The following ECEL1 variants were observed in gnomAD, a reference collection of about 807,000 sequenced individuals.
ECEL1 encodes the protein endothelin converting enzyme like 1, also known as endothelin-converting enzyme-like 1.
Under a neutral mutation model 101.8 loss-of-function variants are expected in ECEL1, and 87 were observed. The observed-to-expected ratio is 0.85, with a 90% CI of 0.72 to 1.02. The LOEUF (loss-of-function observed/expected upper bound fraction) is 1.02, where lower values mean the gene tolerates loss of function less well. ECEL1 is among the 50% of genes least tolerant of loss of function. ECEL1 has a pLI of 0.00. For synonymous variants in ECEL1, 487 were observed against 468.7 expected (o/e 1.04, Z -0.50); for missense variants, 1,032 against 1,079.2 (o/e 0.96, Z 0.61).
rs1399932049 is a variant in ECEL1 at position 232,480,142 on chromosome 2, G to A, written c.*11C>T. ...CGGGGGCAGTGGGGGCGTGCAGGCG[G>A]GCAGCCAGGCTCACCACACGGAACA... On this transcript the variant is annotated 3_prime_UTR_variant, in exon 18 of 18. Transcript: ENST00000304546. 1 of 1,613,322 alleles carries A rather than the reference G, an allele frequency of 6.2e-7. No individual in the cohort carries two copies.
In ECEL1 at chr2:232,485,855, G is replaced by A; in HGVS notation, c.786+13C>T. 1.3e-6 allele frequency: 2 copies of A among 1,544,868 alleles called. No homozygotes were observed. Among genetic ancestry groups the A allele is most frequent in the Non-Finnish European group, 1.7e-6 (2 of 1,149,584 alleles). ...CCGCGGCCGCTGGCAGGGCGCTCAG[G>A]GGGCGCACTCACGCGGATGACGTAG... is the stretch of plus-strand genomic sequence containing the variant. On this transcript the variant is annotated intron_variant, in intron 2 of 17. Transcript: ENST00000304546.
rs199680876 is a variant in ECEL1, at chr2:232,482,380, C to G, written c.1796+38G>C. 2.7e-5 allele frequency: 44 copies of G among 1,613,204 alleles called. No individual in the cohort carries two copies. In the African/African-American group the frequency reaches 5.2e-4, roughly 19 times the overall value. On this transcript the variant is annotated intron_variant, in intron 12 of 17. Coordinates refer to ENST00000304546, the MANE Select transcript of ECEL1 (RefSeq NM_004826.4). ...GTAGACAAGGTCTGCAATGCCAGCC[C>G]TGCCCTCAGCCACAAACAGGGCAAG... is the stretch of plus-strand genomic sequence containing the variant.
At position 232,481,175 on chromosome 2, in the gene ECEL1, G is replaced by A; in HGVS notation, c.1990-19C>T. ...CGTTCACCTGCCGGGAAGGGAAGAG[G>A]CCAGGGGGCTGCTTGGGGCCCAGCT... On this transcript the variant is annotated intron_variant, in intron 14 of 17. Coordinates refer to ENST00000304546, the MANE Select transcript of ECEL1 (RefSeq NM_004826.4). The A allele has an allele frequency of 6.4e-7, 1 of 1,557,240 alleles. No individual in the cohort carries two copies.
At chr2:232,481,981 T>C in intron 12 of ECEL1, 132 bp from the exon 13 acceptor site, 1 of 1,160,682 alleles carries the variant, frequency 8.6e-7, no homozygotes, top group Non-Finnish European at 1.2e-6. Context: ...ATCCGTGCGG[T>C]CCAGGGGCAC....
Position 232,484,807 on chromosome 2 carries a change from G to C in ECEL1, c.1053C>G (p.Thr351=), listed in dbSNP as rs138012155. ...AGGACTGGGCCACACTCACGTGGGG[G>C]GTGATCTTCTGCAGCTGCCCCAGCG... is the stretch of plus-strand genomic sequence containing the variant. The part of the protein sequence containing the change: ...KVTLGQLQKI[T]PHLRWKWLLD... Residue 351 remains threonine, a synonymous_variant, in exon 5 of 18, where the codon ACC becomes ACG. Transcript: ENST00000304546. 6.2e-7 allele frequency: 1 copy of C among 1,613,874 alleles called. No homozygotes were observed. Among genetic ancestry groups the C allele is most frequent in the Non-Finnish European group, 8.5e-7 (1 of 1,180,004 alleles).
At chr2:232,483,954 A>C in intron 7 of ECEL1, 47 bp downstream of exon 7, 1 of 1,544,286 alleles carries the variant, frequency 6.5e-7, no homozygotes, top group Non-Finnish European at 8.8e-7. Flanking sequence ...GGAGGGCTCC[A>C]CCCTCAGTTC....
At position 232,482,624 on chromosome 2, in the gene ECEL1, G is replaced by A. The variant is rs1482996069; in HGVS notation, c.1686-16C>T. 9 of 1,602,804 alleles carry A rather than the reference G, an allele frequency of 5.6e-6. No homozygotes were observed. Among genetic ancestry groups the A allele is most frequent in the Non-Finnish European group, 7.7e-6 (9 of 1,173,270 alleles). ...GAGCAGCCACCTGTGGAGGGATGCT[G>A]GGGTGAATGGGGGGAACACACTCCC... On this transcript the variant is annotated splice_polypyrimidine_tract_variant and intron_variant, in intron 10 of 17. Transcript: ENST00000304546.
At chr2:232,481,671 G>GCCCCTCC in intron 13 of ECEL1, 41 bp from the exon 14 acceptor site, 2 of 1,602,208 alleles carry the variant, frequency 1.2e-6, no homozygotes, top group Non-Finnish European at 1.7e-6. Flanking sequence ...CCTCACCTGA[G>GCCCCTCC]CCCCCTCCCC....
In ECEL1 at chr2:232,486,068, G is replaced by A. The variant is rs1241135773; in HGVS notation, c.586C>T (p.Leu196=). The A allele has an allele frequency of 6.2e-7, 1 of 1,605,472 alleles. No individual in the cohort carries two copies. The highest frequency in any genetic ancestry group is 1.1e-5 in the South Asian group (1 of 90,062). The change falls in exon 2 of 18, where the codon CTG becomes TTG. Residue 196 remains leucine, a synonymous_variant. Transcript: ENST00000304546. ...SCLDMREIER[L]GPRPMLEVIE... ...ACCTCTAGCATGGGTCGCGGGCCCA[G>A]TCGCTCGATCTCGCGCATGTCGAGG...
At chr2:232,481,758 C>T in intron 13 of ECEL1, 24 bp downstream of exon 13, 5 of 1,613,660 alleles carry the variant, frequency 3.1e-6, no homozygotes, top group Non-Finnish European at 4.2e-6. Context: ...CCGGGCCATC[C>T]CCTGGGGCCC....
chr2:232,486,275 A>G lies in ECEL1; in HGVS notation c.379T>C (p.Tyr127His). The change falls in exon 2 of 18, where the codon TAC becomes CAC. Residue 127 changes from tyrosine to histidine, a missense_variant. Coordinates refer to ENST00000304546, the MANE Select transcript of ECEL1 (RefSeq NM_004826.4). ...AGCCAACCGCCGCAGGCGAACGAGT[A>G]GAAGTCCTGGCATGGGTCGATGCTG... ...DASIDPCQDF[Y>H]SFACGGWLRR... 1.2e-6 allele frequency: 2 copies of G among 1,600,308 alleles called. No individual in the cohort carries two copies. Among genetic ancestry groups the G allele is most frequent in the South Asian group, 1.1e-5 (1 of 90,398 alleles).
At position 232,481,711 on chromosome 2, in the gene ECEL1, C is replaced by T. The variant is rs1444562080; in HGVS notation, c.1864+71G>A. 24 of 1,471,560 alleles carry T rather than the reference C, an allele frequency of 1.6e-5. No individual in the cohort carries two copies. In the East Asian group the frequency reaches 5.7e-4, roughly 35 times the overall value. The allele number at this position is 1,471,560 out of a possible 1,614,324, so 91.2% of individuals were successfully genotyped here. On this transcript the variant is annotated intron_variant, in intron 13 of 17. Transcript: ENST00000304546. ...CACCCACCAGCCCCAGTTAGGCCAT[C>T]CCCTACCCTGCCTCTCCACTGCCTG...
In ECEL1 at chr2:232,483,197, G is replaced by C. The variant is rs1434625114; in HGVS notation, c.1507-18C>G. On this transcript the variant is annotated intron_variant, in intron 8 of 17. Transcript: ENST00000304546. ...TACTGGAGCTGCGGGCCGAGGGCAG[G>C]TGAAGGTGGCACCAGGCCTCGGGAG... The C allele has an allele frequency of 6.3e-7, 1 of 1,593,556 alleles. No individual in the cohort carries two copies. The highest frequency in any genetic ancestry group is 2.3e-5 in the East Asian group (1 of 44,072).
At position 232,486,058 on chromosome 2, in the gene ECEL1, C is replaced by T; in HGVS notation, c.596G>A (p.Arg199Gln). 7 of 1,607,418 alleles carry T rather than the reference C, an allele frequency of 4.4e-6. No homozygotes were observed. The highest frequency in any genetic ancestry group is 5.9e-6 in the Non-Finnish European group (7 of 1,177,896). Residue 199 changes from arginine to glutamine, a missense_variant, in exon 2 of 18, where the codon CGA (arginine) becomes CAA (glutamine). Coordinates refer to ENST00000304546, the MANE Select transcript of ECEL1 (RefSeq NM_004826.4). The part of the protein sequence containing the change: ...DMREIERLGP[R>Q]PMLEVIEDCG... ...GTCCTCGATGACCTCTAGCATGGGT[C>T]GCGGGCCCAGTCGCTCGATCTCGCG... is the stretch of plus-strand genomic sequence containing the variant.
chr2:232,485,588 C>A (rs1690699223), intron 2 of ECEL1, among the ~76,000 whole-genome samples: 1 of 152,246 alleles, frequency 6.6e-6, no homozygotes, highest in Non-Finnish European at 1.5e-5. Context: ...GTCAACCCAG[C>A]CCGCCGGCGC....
At position 232,486,459 on chromosome 2, in the gene ECEL1, C is replaced by A. The variant is rs1367835861; in HGVS notation, c.195G>T (p.Gly65=). The A allele has an allele frequency of 1.3e-5, 19 of 1,448,888 alleles. No individual in the cohort carries two copies. Among genetic ancestry groups the A allele is most frequent in the Non-Finnish European group, 1.6e-5 (18 of 1,111,756 alleles). 89.8% of individuals were successfully genotyped at this position (1,448,888 alleles called of 1,614,324 possible). A position where few individuals can be genotyped will look rare whatever the true frequency, so the allele number is the denominator to read the frequency against. The change falls in exon 2 of 18, where the codon GGG becomes GGT. Residue 65 remains glycine (G), a synonymous_variant. Transcript: ENST00000304546. ...CGCAGAGGCCGGCGGCGAACACCAG[C>A]CCCGACAGCAGGCACACCTCGCGCC... ...WNRREVCLLS[G]LVFAAGLCAI...
Position 232,482,831 on chromosome 2 carries a change from G to A in ECEL1, c.1685+20C>T. 6.2e-7 allele frequency: 1 copy of A among 1,613,120 alleles called. No homozygotes were observed. Among genetic ancestry groups the A allele is most frequent in the East Asian group, 2.2e-5 (1 of 44,876 alleles). On this transcript the variant is annotated intron_variant, in intron 10 of 17. Coordinates refer to ENST00000304546, the MANE Select transcript of ECEL1 (RefSeq NM_004826.4). ...CCCCACAACCCTTCCCTGACCCCCA[G>A]CTCTGGGCCAGGCACCCACGTGGAC...
intron 17 of ECEL1, 55 bp downstream of exon 17, chr2:232,480,343 CT>C (rs1270905424): frequency 2.8e-5 from 45 of 1,612,608 alleles, no homozygotes; most frequent in Middle Eastern, 1.6e-4. Flanking sequence ...CCCATGCCCC[CT>C]GATCCCACCC....
rs2741278 is a variant in ECEL1 at position 232,480,018 on chromosome 2, G to T, written c.*135C>A. 5.1e-6 allele frequency: 4 copies of T among 790,602 alleles called. No individual in the cohort carries two copies. Among genetic ancestry groups the T allele is most frequent in the Non-Finnish European group, 8.2e-6 (4 of 488,676 alleles). The allele number at this position is 790,602 out of a possible 1,614,324, so 49.0% of individuals were successfully genotyped here. A position where few individuals can be genotyped will look rare whatever the true frequency, so the allele number is the denominator to read the frequency against. On this transcript the variant is annotated 3_prime_UTR_variant, in exon 18 of 18. Transcript: ENST00000304546. Reference sequence around the variant, plus strand: ...CCCTCCTGAAGTGAGGGGCAGCAGGGGGACCGGGTCCTGGAGGGGCTGGAA... The same window carrying T: ...CCCTCCTGAAGTGAGGGGCAGCAGGTGGACCGGGTCCTGGAGGGGCTGGAA...
Sources: allele counts gnomAD v4.1 joint callset (sites outside exome capture counted in the v4.1 genomes callset), GRCh38; gene constraint gnomAD v4.1.1; transcripts MANE v1.5; gene names NCBI Gene and HGNC (gene_info 2026-07-23, HGNC 2026-07-21).